The following NSD1 variants were observed in gnomAD, a reference collection of about 807,000 sequenced individuals.
NSD1 encodes the protein nuclear receptor binding SET domain protein 1, also known as histone-lysine N-methyltransferase, H3 lysine-36 specific.
Under a neutral mutation model 242.7 loss-of-function variants are expected in NSD1, and 26 were observed. The observed-to-expected ratio is 0.11, with a 90% confidence interval of 0.08 to 0.15. The LOEUF is 0.15. NSD1 is among the 10% of genes least tolerant of loss of function. The pLI is 1.00. For missense variants in NSD1, 2,495 were observed against 3,272.8 expected (o/e 0.76, Z 5.80); for synonymous variants, 1,106 against 1,178.1 (o/e 0.94, Z 1.25).
intron 3 of NSD1, 34 bp from the exon 4 acceptor site, chr5:177,204,086 A>T: frequency 6.3e-7 from 1 of 1,599,942 alleles, no homozygotes; most frequent in East Asian, 2.2e-5. Flanking sequence ...AATTTCTTTG[A>T]TCTAATGATT....
In NSD1 at chr5:177,269,500, G is replaced by T; in HGVS notation, c.5304-102G>T. 2 of 999,160 alleles carry T rather than the reference G, an allele frequency of 2.0e-6. No homozygotes were observed. The highest frequency in any genetic ancestry group is 1.5e-6 in the Non-Finnish European group (1 of 645,378). 61.9% of individuals were successfully genotyped at this position (999,160 alleles called of 1,614,324 possible). A position where few individuals can be genotyped will look rare whatever the true frequency, so the allele number is the denominator to read the frequency against. ...ATGCCGTAAGATGGACTTTAATGTG[G>T]ACAGACAGACATTGCTAATCCTTAC... On this transcript the variant is annotated intron_variant, in intron 15 of 22. Transcript: ENST00000439151. The surrounding 1 kb of genome is among the most constrained non-coding windows in gnomAD (Gnocchi z 5.1).
At chr5:177,279,145 A>G (rs1324537293) in intron 17 of NSD1, among the ~76,000 whole-genome samples, 4 of 152,226 alleles carry the variant, frequency 2.6e-5, no homozygotes, top group Non-Finnish European at 5.9e-5. Flanking sequence ...AGAGGAACTC[A>G]AATTACACAC....
At chr5:177,199,226 G>T (rs1490037861) in intron 3 of NSD1, among the ~76,000 whole-genome samples, 1 of 152,176 alleles carries the variant, frequency 6.6e-6, no homozygotes, top group Admixed American at 6.5e-5. Context: ...AGCATGTTTA[G>T]CGTAGGCTAG....
At chr5:177,188,656 T>G (rs1482365386) in intron 2 of NSD1, among the ~76,000 whole-genome samples, 1 of 152,212 alleles carries the variant, frequency 6.6e-6, no homozygotes, top group Non-Finnish European at 1.5e-5. Context: ...CATCTTAGCA[T>G]ATTTCATAGA....
intron 17 of NSD1, among the ~76,000 whole-genome samples, chr5:177,276,836 G>A (rs1758427901): frequency 2.0e-5 from 3 of 151,930 alleles, no homozygotes; most frequent in Non-Finnish European, 2.9e-5. Flanking sequence ...AGAACAAAAC[G>A]AAAAAAGTCA....
At chr5:177,173,739 C>T (rs1260867586) in intron 2 of NSD1, among the ~76,000 whole-genome samples, 3 of 151,826 alleles carry the variant, frequency 2.0e-5, no homozygotes, top group Non-Finnish European at 2.9e-5. Flanking sequence ...CCCAAAGTGC[C>T]GGGATTACAG....
intron 5 of NSD1, among the ~76,000 whole-genome samples, chr5:177,219,150 C>T (rs1764034796): frequency 6.6e-6 from 1 of 151,150 alleles, no homozygotes; most frequent in Non-Finnish European, 1.5e-5. Flanking sequence ...CTGATACAGA[C>T]TTCTCTCTTA....
intron 3 of NSD1, among the ~76,000 whole-genome samples, chr5:177,193,816 G>A (rs962138796): frequency 6.6e-6 from 1 of 151,844 alleles, no homozygotes; most frequent in Non-Finnish European, 1.5e-5. Context: ...GCTCTGTCAC[G>A]TACGTTGGAG....
chr5:177,216,099 A>G (rs1324801755), intron 5 of NSD1, among the ~76,000 whole-genome samples: 4 of 152,056 alleles, frequency 2.6e-5, no homozygotes, highest in African/African-American at 9.7e-5. Flanking sequence ...CTGGGCTCAA[A>G]TGATGTTCCC....
At chr5:177,289,398 T>A (rs1484241293) in intron 21 of NSD1, among the ~76,000 whole-genome samples, 1 of 152,192 alleles carries the variant, frequency 6.6e-6, no homozygotes, top group Non-Finnish European at 1.5e-5. Flanking sequence ...ATTCGGCTGA[T>A]CAATTATATA....
chr5:177,206,014 T>A (rs893838813), intron 4 of NSD1, among the ~76,000 whole-genome samples: 15 of 152,092 alleles, frequency 9.9e-5, no homozygotes, highest in Non-Finnish European at 1.9e-4. Context: ...TATTATTATT[T>A]TTTTAAACAG....
At chr5:177,251,969 A>G in intron 12 of NSD1, 116 bp downstream of exon 12, 2 of 1,293,960 alleles carry the variant, frequency 1.5e-6, no homozygotes, top group East Asian at 2.4e-5. Context: ...TGTTACAGAT[A>G]TAGAAATGGT....
Position 177,204,199 on chromosome 5 carries a change from A to G in NSD1, c.1143A>G (p.Lys381=). 6.2e-7 allele frequency: 1 copy of G among 1,614,194 alleles called. No homozygotes were observed. The highest frequency in any genetic ancestry group is 1.3e-5 in the African/African-American group (1 of 75,064). ...CTGAGAGAGCCTGGGTGGCTGGAAA[A>G]GCAATCGTCATGTTTGAAGGCAGAC... ...DPSERAWVAG[K]AIVMFEGRHQ... The change falls in exon 4 of 23, where the codon AAA becomes AAG. Residue 381 remains lysine, a synonymous_variant. Transcript: ENST00000439151.
intron 14 of NSD1, chr5:177,266,620 C>T: frequency 1.7e-6 from 1 of 587,824 alleles, no homozygotes; most frequent in Non-Finnish European, 2.6e-6. Context: ...TTCCGGCCGC[C>T]AAGACCCCCG....
chr5:177,189,699 T>A (rs1761515169), intron 2 of NSD1, among the ~76,000 whole-genome samples: 1 of 152,212 alleles, frequency 6.6e-6, no homozygotes, highest in Non-Finnish European at 1.5e-5. Flanking sequence ...GCAAACATCA[T>A]GTTACTTAAT....
chr5:177,185,845 ATATATAT>A (rs1361199831), intron 2 of NSD1, among the ~76,000 whole-genome samples: 25 of 91,130 alleles, frequency 2.7e-4, no homozygotes, highest in Non-Finnish European at 2.9e-4. Flanking sequence ...ATATATTTAA[ATATATAT>A]TATATATTAT....
chr5:177,261,740 T>C lies in NSD1; in HGVS notation c.5146+1572T>C, dbSNP rs1228709529. On this transcript the variant is annotated intron_variant, in intron 14 of 22. Coordinates refer to ENST00000439151, the MANE Select transcript of NSD1 (RefSeq NM_022455.5). ...ATTTTTCTAAGTTCATTGTGGACTTTGCTCCACTATTTTCTAGTGATGAGA... is the reference window on the plus strand; with the variant it reads ...ATTTTTCTAAGTTCATTGTGGACTTCGCTCCACTATTTTCTAGTGATGAGA... 2.0e-5 allele frequency among the ~76,000 whole-genome samples: 3 copies of C among 152,330 alleles called. No individual in the cohort carries two copies. In the East Asian group the frequency reaches 5.8e-4, roughly 29 times the overall value.
chr5:177,148,933 A>G (rs1283818511), intron 2 of NSD1, among the ~76,000 whole-genome samples: 4 of 151,866 alleles, frequency 2.6e-5, no homozygotes, highest in Admixed American at 1.3e-4. Context: ...ATTCTCCTGC[A>G]TCAGCCTCCC....
intron 21 of NSD1, among the ~76,000 whole-genome samples, chr5:177,291,196 A>C (rs1759787910): frequency 6.6e-6 from 1 of 152,114 alleles, no homozygotes; most frequent in South Asian, 2.1e-4. Context: ...AGCTAATTTG[A>C]CTTGATGTGT....
Sources: allele counts gnomAD v4.1 joint callset (sites outside exome capture counted in the v4.1 genomes callset), GRCh38; gene constraint gnomAD v4.1.1; non-coding constraint Gnocchi (gnomAD v3.1); transcripts MANE v1.5; gene names NCBI Gene and HGNC (gene_info 2026-07-23, HGNC 2026-07-21).